The following CRTC1 variants were observed in gnomAD, a reference collection of about 807,000 sequenced individuals.
CRTC1 encodes the protein CREB-regulated transcription coactivator 1.
In CRTC1, 18 loss-of-function variants were observed where a neutral mutation model predicts 66.1. The observed-to-expected ratio is 0.27, with a 90% confidence interval of 0.19 to 0.40. CRTC1 has a LOEUF of 0.40. Ranked by LOEUF, CRTC1 falls within the 10% of genes least tolerant of loss-of-function variation. CRTC1 has a pLI of 1.00. For synonymous variants in CRTC1, 416 were observed against 398.8 expected (o/e 1.04, Z -0.51); for missense variants, 669 against 887.9 (o/e 0.75, Z 3.13).
At position 18,690,113 on chromosome 19, in the gene CRTC1, G is replaced by C. The variant is rs958537253; in HGVS notation, c.126+6285G>C. Among the ~76,000 whole-genome samples the C allele has an allele frequency of 4.6e-5, 7 of 151,832 alleles. No individual in the cohort carries two copies. In the East Asian group the frequency reaches 1.4e-3, roughly 30 times the overall value. On this transcript the variant is annotated intron_variant, in intron 1 of 13. Coordinates refer to ENST00000321949, the MANE Select transcript of CRTC1 (RefSeq NM_015321.3). ...GAGGGGAAGGGAAGGGGGGAGTGTC[G>C]TCTGCTTGCCAGGGGTTCAGGACAT...
At chr19:18,713,747 C>T (rs1197651607) in intron 1 of CRTC1, among the ~76,000 whole-genome samples, 3 of 152,234 alleles carry the variant, frequency 2.0e-5, no homozygotes, top group African/African-American at 7.2e-5. Context: ...AGCAAAGGCC[C>T]AAGTATATGA....
At chr19:18,761,980 C>G (rs909052148) in intron 8 of CRTC1, among the ~76,000 whole-genome samples, 1 of 152,144 alleles carries the variant, frequency 6.6e-6, no homozygotes, top group East Asian at 1.9e-4. Context: ...AAAACACAGC[C>G]GATTCGGAGG....
intron 2 of CRTC1, among the ~76,000 whole-genome samples, chr19:18,745,280 G>A (rs778346923): frequency 5.6e-4 from 85 of 152,160 alleles, no homozygotes; most frequent in Non-Finnish European, 1.1e-3. Flanking sequence ...TGGGGGCCGC[G>A]TCTCAATCAA....
chr19:18,773,996 T>C (rs913772462), intron 11 of CRTC1, among the ~76,000 whole-genome samples: 1 of 152,232 alleles, frequency 6.6e-6, no homozygotes, highest in Non-Finnish European at 1.5e-5. Flanking sequence ...GACATTCACC[T>C]GGACGCCTTA....
chr19:18,709,925 A>T (rs2053351073), intron 1 of CRTC1, among the ~76,000 whole-genome samples: 1 of 151,952 alleles, frequency 6.6e-6, no homozygotes, highest in Non-Finnish European at 1.5e-5. Context: ...AGCTCAGGTC[A>T]CTCCTGGTTA....
In CRTC1 at chr19:18,779,140, T is replaced by C. The variant is rs1601037383; in HGVS notation, c.*1758T>C. Reference sequence around the variant, plus strand: ...CTGCATTGCGGCTCTCGCTCGCTCCTGCCTGCCGGGACAGCGCCTTCTGCT... The same window carrying C: ...CTGCATTGCGGCTCTCGCTCGCTCCCGCCTGCCGGGACAGCGCCTTCTGCT... On this transcript the variant is annotated 3_prime_UTR_variant, in exon 14 of 14. Coordinates refer to ENST00000321949, the MANE Select transcript of CRTC1 (RefSeq NM_015321.3). 2.6e-5 allele frequency: 6 copies of C among 232,762 alleles called. No individual in the cohort carries two copies. In the East Asian group the frequency reaches 3.6e-4, roughly 14 times the overall value. The allele number at this position is 232,762 out of a possible 1,614,324, so 14.4% of individuals were successfully genotyped here. A position where few individuals can be genotyped will look rare whatever the true frequency, so the allele number is the denominator to read the frequency against.
intron 1 of CRTC1, among the ~76,000 whole-genome samples, chr19:18,686,412 C>T (rs375929076): frequency 1.3e-5 from 2 of 152,312 alleles, no homozygotes; most frequent in African/African-American, 4.8e-5. Context: ...CTTTGGGAGG[C>T]CAAGGTGAGT....
Position 18,714,262 on chromosome 19 carries a change from AGGCG to A in CRTC1, c.127-28643_127-28640del, listed in dbSNP as rs879230742. Among the ~76,000 whole-genome samples the A allele has an allele frequency of 2.9e-3, 443 of 152,272 alleles. 8 individuals are homozygous for A. The highest frequency in any genetic ancestry group is 0.028 in the Admixed American group (423 of 15,288). ...ATGATGCAGCTTCCCCAGTGGGTCC[AGGCG>A]GGCGCACTCCATCCACCTGCTATTC... On this transcript the variant is annotated intron_variant, in intron 1 of 13. Coordinates refer to ENST00000321949, the MANE Select transcript of CRTC1 (RefSeq NM_015321.3).
In CRTC1 at chr19:18,755,570, T is replaced by C. The variant is rs375487296; in HGVS notation, c.624+1985T>C. ...TCAGCCTCCTGTGATGCTGGGACTA[T>C]AGGAGCGTGCCACCAAACCTGGCTT... On this transcript the variant is annotated intron_variant, in intron 6 of 13. Transcript: ENST00000321949. 1.5e-4 allele frequency among the ~76,000 whole-genome samples: 23 copies of C among 149,026 alleles called. No individual in the cohort carries two copies. The East Asian group carries it at 2.6e-3, about 17-fold the overall frequency.
At chr19:18,714,962 C>A (rs2053473297) in intron 1 of CRTC1, among the ~76,000 whole-genome samples, 2 of 152,264 alleles carry the variant, frequency 1.3e-5, no homozygotes, top group African/African-American at 2.4e-5. Context: ...ACCTTTCAAG[C>A]ACAGTTTTTA....
chr19:18,742,131 G>A (rs1236542467), intron 1 of CRTC1, among the ~76,000 whole-genome samples: 1 of 152,172 alleles, frequency 6.6e-6, no homozygotes, highest in South Asian at 2.1e-4. Context: ...TGGGTCAGGG[G>A]CCTCTGTTAC....
rs768309713 is a variant in CRTC1, at chr19:18,775,706, A to G, written c.1578A>G (p.Thr526=). The G allele has an allele frequency of 1.1e-5, 18 of 1,612,462 alleles. No individual in the cohort carries two copies. The highest frequency in any genetic ancestry group is 1.3e-5 in the Non-Finnish European group (15 of 1,179,788). ...SSSSLYSPGS[T]LNYSQAAMMG... is the part of the protein sequence containing the mutation. ...GCAGCCTGTACAGCCCGGGCTCCAC[A>G]CTCAACTACTCGCAGGCGGCCATGA... The change falls in exon 13 of 14, where the codon ACA becomes ACG. Residue 526 remains threonine, a synonymous_variant. Coordinates refer to ENST00000321949, the MANE Select transcript of CRTC1 (RefSeq NM_015321.3).
chr19:18,755,593 CTTTTT>C (rs58121199), intron 6 of CRTC1, among the ~76,000 whole-genome samples: 77 of 107,486 alleles, frequency 7.2e-4, no homozygotes, highest in African/African-American at 2.6e-3. Flanking sequence ...CCAAACCTGG[CTTTTT>C]TTTTTTTTTT....
intron 1 of CRTC1, among the ~76,000 whole-genome samples, chr19:18,702,300 G>A (rs1307450089): frequency 2.0e-5 from 3 of 151,392 alleles, no homozygotes; most frequent in Admixed American, 6.6e-5. Flanking sequence ...GCTCACTGTA[G>A]CCTCAATTTC....
chr19:18,716,549 C>T (rs569234472), intron 1 of CRTC1, among the ~76,000 whole-genome samples: 17 of 152,284 alleles, frequency 1.1e-4, no homozygotes, highest in African/African-American at 3.9e-4. Context: ...TGTGCCTGGC[C>T]GGCTCCTGCA....
chr19:18,718,276 C>T (rs1289386312), intron 1 of CRTC1, among the ~76,000 whole-genome samples: 1 of 152,136 alleles, frequency 6.6e-6, no homozygotes, highest in Admixed American at 6.6e-5. Flanking sequence ...CCTGGCTTCT[C>T]TCACTCAGCA....
At chr19:18,710,663 G>A (rs761297674) in intron 1 of CRTC1, among the ~76,000 whole-genome samples, 3 of 152,148 alleles carry the variant, frequency 2.0e-5, no homozygotes, top group Non-Finnish European at 4.4e-5. Flanking sequence ...CCAAGCTGGA[G>A]TGCAATGGCT....
intron 1 of CRTC1, among the ~76,000 whole-genome samples, chr19:18,695,514 C>T (rs901882195): frequency 3.3e-5 from 5 of 151,804 alleles, no homozygotes; most frequent in African/African-American, 7.3e-5. Context: ...GTTGTCACGA[C>T]GGGGAATGGG....
intron 9 of CRTC1, among the ~76,000 whole-genome samples, chr19:18,766,287 A>ATTTTTT (rs1020411277): frequency 9.1e-6 from 1 of 109,682 alleles, no homozygotes. Context: ...TGCCTGGCTA[A>ATTTTTT]TTTTTTTTTT....
Sources: allele counts gnomAD v4.1 joint callset (sites outside exome capture counted in the v4.1 genomes callset), GRCh38; gene constraint gnomAD v4.1.1; transcripts MANE v1.5; gene names NCBI Gene and HGNC (gene_info 2026-07-23, HGNC 2026-07-21).